The following LRMDA variants were observed in gnomAD, a reference collection of about 807,000 sequenced individuals.
The protein encoded by LRMDA is leucine-rich melanocyte differentiation-associated protein.
In LRMDA, 18 loss-of-function variants were observed where a neutral mutation model predicts 29.8. That is an observed-to-expected ratio of 0.60 (90% CI 0.42 to 0.90). The LOEUF is 0.90. LRMDA is among the 40% of genes least tolerant of loss of function. The pLI is 0.00. For synonymous variants in LRMDA, 125 were observed against 109.4 expected (o/e 1.14, Z -0.89); for missense variants, 273 against 273.9 (o/e 1.00, Z 0.02).
intron 2 of LRMDA, among the ~76,000 whole-genome samples, chr10:75,488,059 T>C (rs1844936682): frequency 6.6e-6 from 1 of 152,166 alleles, no homozygotes; most frequent in Admixed American, 6.5e-5. Context: ...TCCAAAGGGC[T>C]ATTGAGGGAG....
At chr10:75,662,927 G>A (rs1281720433) in intron 2 of LRMDA, among the ~76,000 whole-genome samples, 1 of 152,204 alleles carries the variant, frequency 6.6e-6, no homozygotes, top group African/African-American at 2.4e-5. Context: ...AGCTGGAACT[G>A]GGTGCCTTGC....
intron 2 of LRMDA, among the ~76,000 whole-genome samples, chr10:75,522,271 A>G (rs1436140997): frequency 6.6e-6 from 1 of 152,160 alleles, no homozygotes; most frequent in Non-Finnish European, 1.5e-5. Flanking sequence ...TGTGGCTAGT[A>G]AGTTTCATTT....
chr10:75,660,234 C>T (rs1200962175), intron 2 of LRMDA, among the ~76,000 whole-genome samples: 1 of 152,222 alleles, frequency 6.6e-6, no homozygotes, highest in African/African-American at 2.4e-5. Flanking sequence ...GATGTCCCTT[C>T]CCTGCTGACT....
intron 5 of LRMDA, among the ~76,000 whole-genome samples, chr10:76,223,688 C>G (rs1851892740): frequency 6.6e-6 from 1 of 152,050 alleles, no homozygotes; most frequent in Non-Finnish European, 1.5e-5. Context: ...CCAGAGAGGG[C>G]TCCCACCAGA....
At chr10:76,161,037 C>T (rs1481184682) in intron 5 of LRMDA, among the ~76,000 whole-genome samples, 1 of 151,402 alleles carries the variant, frequency 6.6e-6, no homozygotes, top group Admixed American at 6.6e-5. Context: ...GAAACGGTTG[C>T]GATAAGAGAA....
At chr10:75,479,011 CTT>C (rs1399630201) in intron 2 of LRMDA, among the ~76,000 whole-genome samples, 4 of 152,346 alleles carry the variant, frequency 2.6e-5, no homozygotes, top group East Asian at 1.9e-4. Context: ...TAATCTCTCT[CTT>C]GGCTTCCTTG....
chr10:76,388,916 A>C (rs1282922570), intron 6 of LRMDA, among the ~76,000 whole-genome samples: 1 of 152,218 alleles, frequency 6.6e-6, no homozygotes, highest in Non-Finnish European at 1.5e-5. Context: ...GCAAAGCTGG[A>C]CTTCAAACTC....
At chr10:75,475,293 T>C (rs1010460262) in intron 2 of LRMDA, among the ~76,000 whole-genome samples, 7 of 152,300 alleles carry the variant, frequency 4.6e-5, no homozygotes, top group African/African-American at 1.4e-4. Context: ...TGGGAGGCTG[T>C]CCCTGGAGAT....
intron 5 of LRMDA, among the ~76,000 whole-genome samples, chr10:76,297,125 A>G (rs1166300079): frequency 6.6e-6 from 1 of 152,218 alleles, no homozygotes; most frequent in East Asian, 1.9e-4. Context: ...GCCTGTTCTC[A>G]TGGCAATCCC....
intron 4 of LRMDA, among the ~76,000 whole-genome samples, chr10:76,058,289 A>G (rs2132054192): frequency 6.6e-6 from 1 of 152,324 alleles, no homozygotes; most frequent in Admixed American, 6.5e-5. Flanking sequence ...AAAGGGTACA[A>G]TCAATTTATA....
chr10:75,450,807 G>C (rs985820315), intron 2 of LRMDA: 2 of 152,232 alleles, frequency 1.3e-5, no homozygotes, highest in Non-Finnish European at 1.5e-5. Context: ...GAATGTCACC[G>C]GGACATCAAA....
chr10:76,137,195 G>A (rs1401609664), intron 5 of LRMDA, among the ~76,000 whole-genome samples: 2 of 152,170 alleles, frequency 1.3e-5, no homozygotes, highest in Non-Finnish European at 2.9e-5. Flanking sequence ...ATCCCATGCT[G>A]ACTATTCCTT....
chr10:75,590,726 C>CTTTTTTTTTTTTTTTTTTTTT (rs67966004), intron 2 of LRMDA, among the ~76,000 whole-genome samples: 1 of 71,344 alleles, frequency 1.4e-5, no homozygotes, highest in East Asian at 4.4e-4. Context: ...ATAAAATAGT[C>CTTTTTTTTTTTTTTTTTTTTT]TTTTTTTTTT....
intron 5 of LRMDA, among the ~76,000 whole-genome samples, chr10:76,207,680 G>A (rs930859796): frequency 6.6e-6 from 1 of 152,036 alleles, no homozygotes; most frequent in Non-Finnish European, 1.5e-5. Context: ...ATGCTCACTG[G>A]TGGTCGGGTG....
chr10:76,134,236 G>A (rs1035002812), intron 5 of LRMDA, among the ~76,000 whole-genome samples: 2 of 152,200 alleles, frequency 1.3e-5, no homozygotes, highest in Non-Finnish European at 1.5e-5. Context: ...AGGCAGCAGC[G>A]GCTGTTGGGG....
intron 2 of LRMDA, among the ~76,000 whole-genome samples, chr10:75,577,984 C>G (rs1840529666): frequency 6.6e-6 from 1 of 151,974 alleles, no homozygotes; most frequent in Admixed American, 6.6e-5. Flanking sequence ...CATCAACTAA[C>G]AGGCAAAATA....
chr10:76,046,805 G>A (rs777729313), intron 3 of LRMDA, among the ~76,000 whole-genome samples: 3 of 152,124 alleles, frequency 2.0e-5, no homozygotes, highest in African/African-American at 2.4e-5. Context: ...TACTAGAAAC[G>A]AATTAAGTTT....
In LRMDA at chr10:76,363,206, G is replaced by A. The variant is rs1298147730; in HGVS notation, c.601+38721G>A. Among the ~76,000 whole-genome samples the A allele has an allele frequency of 2.2e-3, 39 of 17,344 alleles. 3 individuals are homozygous for A. Among genetic ancestry groups the A allele is most frequent in the East Asian group, 4.3e-3 (7 of 1,638 alleles). 11.4% of individuals were successfully genotyped at this position (17,344 alleles called of 152,430 possible). A position where few individuals can be genotyped will look rare whatever the true frequency, so the allele number is the denominator to read the frequency against. ...GGAGGGAGGGAGGGAGGGAGGGAGG[G>A]AGGGAAGGAAGAGAAAGAAAGAAAG... is the stretch of plus-strand genomic sequence containing the variant. On this transcript the variant is annotated intron_variant, in intron 6 of 6. Coordinates refer to ENST00000611255, the MANE Select transcript of LRMDA (RefSeq NM_001305581.2).
chr10:75,454,084 A>T (rs4746299), intron 2 of LRMDA, among the ~76,000 whole-genome samples: 43 of 151,930 alleles, frequency 2.8e-4, no homozygotes, highest in Non-Finnish European at 4.4e-5. Context: ...CCCAGCAAGG[A>T]CTGCCTGCCT....
Sources: gnomAD v4.1 joint callset for allele counts (sites outside exome capture counted in the v4.1 genomes callset) on GRCh38, gnomAD v4.1.1 for gene constraint, MANE v1.5 for transcripts, NCBI Gene and HGNC (gene_info 2026-07-23, HGNC 2026-07-21) for gene names.